Variants in ZNF385D observed in about 807,000 individuals in gnomAD.
ZNF385D encodes the protein zinc finger protein 659.
A neutral mutation model predicts 35.8 loss-of-function variants in ZNF385D; 15 were observed. The ratio of observed to expected loss-of-function variants is 0.42; its 90% CI spans 0.28 to 0.64. The LOEUF (loss-of-function observed/expected upper bound fraction) is 0.64, where lower values mean the gene tolerates loss of function less well. Among genes scored for constraint, ZNF385D ranks in the 30% least tolerant of loss-of-function variants. The pLI is 0.23. For synonymous variants in ZNF385D, 212 were observed against 186.8 expected, an observed-to-expected ratio of 1.13 and a Z score of -1.10; for missense variants, 474 against 494.6, an observed-to-expected ratio of 0.96 and a Z score of 0.39.
chr3:21,809,619 T>C (rs1055366060), intron 3 of ZNF385D, among the ~76,000 whole-genome samples: 6 of 150,218 alleles, frequency 4.0e-5, no homozygotes, highest in African/African-American at 1.2e-4. Flanking sequence ...TATACATATA[T>C]ACATACACAC....
At chr3:22,061,478 T>C (rs946748597) in intron 3 of ZNF385D, among the ~76,000 whole-genome samples, 9 of 152,168 alleles carry the variant, frequency 5.9e-5, no homozygotes, top group Non-Finnish European at 1.0e-4. Flanking sequence ...CAAGAGCAGC[T>C]AGAATCTCAC....
chr3:21,927,679 G>C (rs1700797761), intron 3 of ZNF385D, among the ~76,000 whole-genome samples: 1 of 152,152 alleles, frequency 6.6e-6, no homozygotes, highest in African/African-American at 2.4e-5. Flanking sequence ...AATAGAGCTA[G>C]AGTGAATATT....
In ZNF385D at chr3:21,556,739, A is replaced by G. The variant is rs2125618596; in HGVS notation, c.276+7835T>C. On this transcript the variant is annotated intron_variant, in intron 3 of 7. Transcript: ENST00000281523. The stretch of plus-strand genomic sequence containing the variant: ...GAGTTAATGGTAGCTTGATGGGAAT[A>G]GCATTGAATCTATCAGTTACTTTGG... Among the ~76,000 whole-genome samples, 2 of 152,264 alleles carry G rather than the reference A, an allele frequency of 1.3e-5. 1 individual carries two copies. Among genetic ancestry groups the G allele is most frequent in the South Asian group, 4.1e-4 (2 of 4,828 alleles).
At chr3:21,970,473 T>G (rs562504944) in intron 3 of ZNF385D, among the ~76,000 whole-genome samples, 42 of 151,760 alleles carry the variant, frequency 2.8e-4, no homozygotes, top group Non-Finnish European at 4.6e-4. Context: ...AATAGTGAGC[T>G]TGAATACAGG....
At chr3:21,975,279 T>C (rs1313319913) in intron 3 of ZNF385D, among the ~76,000 whole-genome samples, 2 of 152,120 alleles carry the variant, frequency 1.3e-5, no homozygotes, top group Admixed American at 6.6e-5. Context: ...AACTGGAAGA[T>C]ATGTTAAATG....
chr3:21,804,796 A>G (rs13071666), intron 3 of ZNF385D, among the ~76,000 whole-genome samples: 38,165 of 152,152 alleles, frequency 0.25, 5,034 homozygotes, highest in Middle Eastern at 0.32. Context: ...CAAGATCACA[A>G]ATAATGAAGG....
At chr3:21,971,039 C>T (rs935945810) in intron 3 of ZNF385D, among the ~76,000 whole-genome samples, 12 of 151,950 alleles carry the variant, frequency 7.9e-5, no homozygotes, top group African/African-American at 2.4e-4. Context: ...TTTATCAACA[C>T]GAGACCTGTC....
chr3:21,722,390 C>G (rs1360344407), intron 1 of ZNF385D, among the ~76,000 whole-genome samples: 3 of 152,206 alleles, frequency 2.0e-5, no homozygotes, highest in East Asian at 1.9e-4. Context: ...TCTTGAAAAC[C>G]ACCAAAGCTT....
chr3:21,917,564 T>C (rs1020618417), intron 3 of ZNF385D, among the ~76,000 whole-genome samples: 3 of 152,204 alleles, frequency 2.0e-5, no homozygotes, highest in Non-Finnish European at 2.9e-5. Flanking sequence ...CATGAAAAGA[T>C]TGTTCTTTAA....
chr3:22,118,906 T>C (rs1309316603), intron 3 of ZNF385D, among the ~76,000 whole-genome samples: 1 of 152,126 alleles, frequency 6.6e-6, no homozygotes, highest in East Asian at 1.9e-4. Context: ...TTTAGAAACA[T>C]TTGCAAGTCT....
intron 3 of ZNF385D, among the ~76,000 whole-genome samples, chr3:21,928,521 T>C (rs1700857238): frequency 6.6e-6 from 1 of 152,142 alleles, no homozygotes; most frequent in South Asian, 2.1e-4. Flanking sequence ...AACCGCAGAA[T>C]GTACATATTT....
chr3:22,129,431 G>C (rs183629806), intron 3 of ZNF385D, among the ~76,000 whole-genome samples: 131 of 152,242 alleles, frequency 8.6e-4, no homozygotes, highest in South Asian at 3.5e-3. Flanking sequence ...TTCCCTTCTG[G>C]CCCAAGGTGG....
At chr3:21,470,033 G>T (rs77222192) in intron 4 of ZNF385D, among the ~76,000 whole-genome samples, 20 of 152,272 alleles carry the variant, frequency 1.3e-4, no homozygotes, top group Admixed American at 1.1e-3. Context: ...ACTAAGTATA[G>T]CTACTTTTCT....
chr3:22,268,693 A>G (rs1701020898), intron 2 of ZNF385D, among the ~76,000 whole-genome samples: 1 of 152,090 alleles, frequency 6.6e-6, no homozygotes, highest in South Asian at 2.1e-4. Flanking sequence ...AGCAGATATA[A>G]CTTAATCTAT....
chr3:21,771,341 T>C (rs868073774), intron 3 of ZNF385D, among the ~76,000 whole-genome samples: 1 of 151,110 alleles, frequency 6.6e-6, no homozygotes, highest in African/African-American at 2.4e-5. Flanking sequence ...CAATAAGAAA[T>C]AAATATATAA....
At chr3:22,029,872 G>A (rs1323564226) in intron 3 of ZNF385D, among the ~76,000 whole-genome samples, 2 of 151,988 alleles carry the variant, frequency 1.3e-5, no homozygotes, top group East Asian at 3.9e-4. Context: ...GTGGACTTGT[G>A]ATGGTTAATA....
At chr3:22,178,955 G>A (rs1695028010) in intron 2 of ZNF385D, among the ~76,000 whole-genome samples, 2 of 149,496 alleles carry the variant, frequency 1.3e-5, no homozygotes, top group Non-Finnish European at 1.5e-5. Context: ...TCTCTGTTTT[G>A]GTACCAGTAC....
chr3:22,152,410 A>G (rs754254274), intron 3 of ZNF385D, among the ~76,000 whole-genome samples: 1 of 152,162 alleles, frequency 6.6e-6, no homozygotes, highest in African/African-American at 2.4e-5. Context: ...GGCTTAAGAC[A>G]AAACAAATTT....
At chr3:21,431,667 C>T (rs1222864872) in intron 5 of ZNF385D, among the ~76,000 whole-genome samples, 1 of 152,094 alleles carries the variant, frequency 6.6e-6, no homozygotes, top group East Asian at 1.9e-4. Flanking sequence ...AGGCTGTTTT[C>T]ATCATCATTT....
Sources: allele counts gnomAD v4.1 joint callset (sites outside exome capture counted in the v4.1 genomes callset), GRCh38; gene constraint gnomAD v4.1.1; transcripts MANE v1.5; gene names NCBI Gene and HGNC (gene_info 2026-07-23, HGNC 2026-07-21).